PACRG: variants seen among roughly 807,000 people sequenced by gnomAD.
PACRG encodes parkin coregulated gene protein.
A neutral mutation model predicts 29.7 loss-of-function variants in PACRG; 29 were observed. That is an observed-to-expected ratio of 0.98 (90% CI 0.73 to 1.33). The LOEUF (loss-of-function observed/expected upper bound fraction) is 1.33, where lower values mean the gene tolerates loss of function less well. PACRG is among the 40% of genes most tolerant of loss of function. PACRG has a pLI of 0.00. For missense variants in PACRG, 279 were observed against 316.2 expected (o/e 0.88, Z 0.89); for synonymous variants, 116 against 118.7 (o/e 0.98, Z 0.15).
At chr6:163,135,296 C>A (rs927873572) in intron 4 of PACRG, among the ~76,000 whole-genome samples, 1 of 151,878 alleles carries the variant, frequency 6.6e-6, no homozygotes, top group Non-Finnish European at 1.5e-5. Flanking sequence ...TCAAGCGATT[C>A]TCCTGCCTCA....
At chr6:162,953,648 A>G (rs1006151819) in intron 2 of PACRG, among the ~76,000 whole-genome samples, 2 of 152,166 alleles carry the variant, frequency 1.3e-5, no homozygotes, top group Non-Finnish European at 2.9e-5. Flanking sequence ...CTGCCATAGT[A>G]CTTGACTGAC....
chr6:162,908,530 C>A (rs1187395205), intron 2 of PACRG, among the ~76,000 whole-genome samples: 2 of 152,218 alleles, frequency 1.3e-5, no homozygotes, highest in East Asian at 1.9e-4. Flanking sequence ...CATGATATGG[C>A]CCTGCAGCTG....
At chr6:163,066,809 G>A (rs1283810219) in intron 3 of PACRG, among the ~76,000 whole-genome samples, 2 of 152,092 alleles carry the variant, frequency 1.3e-5, no homozygotes, top group Admixed American at 6.6e-5. Flanking sequence ...TATGTTCAAA[G>A]ATATATTGGA....
Position 163,314,825 on chromosome 6 carries a change from A to T in PACRG, c.614-2A>T. 1 of 1,613,752 alleles carries T rather than the reference A, an allele frequency of 6.2e-7. No individual in the cohort carries two copies. Among genetic ancestry groups the T allele is most frequent in the Non-Finnish European group, 8.5e-7 (1 of 1,179,926 alleles). ...GCCTCTTTGTGTGTTTGCATGCACC[A>T]GTGAACTCCGGAGACGGCATTGACT... On this transcript the variant is annotated splice_acceptor_variant, in intron 4 of 4. Coordinates refer to ENST00000366888, the MANE Select transcript of PACRG (RefSeq NM_001080379.2). LOFTEE classifies it high-confidence loss of function.
rs150923234 is a variant in PACRG, at chr6:162,865,067, C to T, written c.291+50786C>T. Among the ~76,000 whole-genome samples the T allele has an allele frequency of 3.1e-3, 464 of 152,130 alleles. 2 individuals are homozygous for T. Among genetic ancestry groups the T allele is most frequent in the African/African-American group, 0.01 (420 of 41,510 alleles). On this transcript the variant is annotated intron_variant, in intron 2 of 4. Coordinates refer to ENST00000366888, the MANE Select transcript of PACRG (RefSeq NM_001080379.2). Reference sequence around the variant, plus strand: ...CTTTCACCAATTACTAAATGTTAACCGAACATTTGTGAACATGTGTAATAT... The same window carrying T: ...CTTTCACCAATTACTAAATGTTAACTGAACATTTGTGAACATGTGTAATAT...
intron 1 of PACRG, among the ~76,000 whole-genome samples, chr6:162,807,342 G>A (rs761948863): frequency 2.6e-5 from 4 of 152,166 alleles, no homozygotes; most frequent in Non-Finnish European, 5.9e-5. Flanking sequence ...TGGTACAAGA[G>A]GTCTTCCAGC....
intron 2 of PACRG, among the ~76,000 whole-genome samples, chr6:162,976,487 T>C (rs893494651): frequency 1.1e-4 from 17 of 152,130 alleles, no homozygotes; most frequent in Non-Finnish European, 2.2e-4. Context: ...CAGGTTCTTA[T>C]AATGAATGAG....
In PACRG at chr6:162,947,595, C is replaced by CATATATATAT. The variant is rs59243050; in HGVS notation, c.292-114551_292-114542dup. ...ACTCATATATAATCATATATATAAT[C>CATATATATAT]ATATATATATATAATCATATATATA... On this transcript the variant is annotated intron_variant, in intron 2 of 4. Transcript: ENST00000366888. 1.7e-3 allele frequency among the ~76,000 whole-genome samples: 48 copies of CATATATATAT among 27,998 alleles called. No individual in the cohort carries two copies. In the South Asian group the frequency reaches 0.022, roughly 13 times the overall value. The allele number at this position is 27,998 out of a possible 152,430, so 18.4% of individuals were successfully genotyped here.
chr6:163,252,881 A>G (rs1032031448), intron 4 of PACRG, among the ~76,000 whole-genome samples: 2 of 152,204 alleles, frequency 1.3e-5, no homozygotes, highest in Non-Finnish European at 2.9e-5. Context: ...TTGAAACTAA[A>G]AGTAAGCAAA....
At chr6:163,207,089 GT>G (rs1780934876) in intron 4 of PACRG, among the ~76,000 whole-genome samples, 1 of 152,072 alleles carries the variant, frequency 6.6e-6, no homozygotes. Flanking sequence ...TTGACATTCT[GT>G]TTTTTAAATA....
At chr6:163,093,071 A>G (rs190582990) in intron 4 of PACRG, among the ~76,000 whole-genome samples, 159 of 152,374 alleles carry the variant, frequency 1.0e-3, no homozygotes, top group Non-Finnish European at 1.8e-3. Flanking sequence ...TGAAAGACTC[A>G]GATTCATTCA....
intron 3 of PACRG, among the ~76,000 whole-genome samples, chr6:163,086,885 T>A (rs1296453963): frequency 1.3e-5 from 2 of 152,148 alleles, no homozygotes; most frequent in Non-Finnish European, 2.9e-5. Flanking sequence ...AGAAAATTTT[T>A]AAAAATAAAG....
At position 162,814,406 on chromosome 6, in the gene PACRG, G is replaced by A. The variant is rs2128362762; in HGVS notation, c.291+125G>A. On this transcript the variant is annotated intron_variant, in intron 2 of 4. Coordinates refer to ENST00000366888, the MANE Select transcript of PACRG (RefSeq NM_001080379.2). ...TTTCTCAGCACATGGAAGATGGTGG[G>A]AAAGCTCTTAGAGAAAGCCCCCCTG... The A allele has an allele frequency of 1.6e-5, 21 of 1,279,540 alleles. No individual in the cohort carries two copies. The South Asian group carries it at 3.1e-4, about 19-fold the overall frequency. The allele number at this position is 1,279,540 out of a possible 1,614,324, so 79.3% of individuals were successfully genotyped here.
At chr6:163,203,436 A>AAAC (rs1408120974) in intron 4 of PACRG, among the ~76,000 whole-genome samples, 1 of 152,136 alleles carries the variant, frequency 6.6e-6, no homozygotes, top group African/African-American at 2.4e-5. Flanking sequence ...AAACAAAAAA[A>AAAC]CCCACCAAAC....
chr6:163,202,634 G>A (rs1306153966), intron 4 of PACRG, among the ~76,000 whole-genome samples: 2 of 152,140 alleles, frequency 1.3e-5, no homozygotes, highest in East Asian at 3.8e-4. Context: ...TTTTCATATT[G>A]AAATGAGAAC....
chr6:163,100,728 C>T (rs558649018), intron 4 of PACRG: 1 of 919,234 alleles, frequency 1.1e-6, no homozygotes, highest in Non-Finnish European at 1.3e-6. Context: ...CATTTTATTG[C>T]CTTTCTTAAA....
intron 4 of PACRG, among the ~76,000 whole-genome samples, chr6:163,131,720 G>A (rs759955157): frequency 1.8e-4 from 28 of 152,090 alleles, no homozygotes; most frequent in Non-Finnish European, 3.4e-4. Context: ...CCTCACCACC[G>A]AAGAGTGTTG....
chr6:163,051,844 T>C (rs1479874508), intron 2 of PACRG: 1 of 152,194 alleles, frequency 6.6e-6, no homozygotes. Flanking sequence ...CAGCTTTGCA[T>C]TGGGCATATT....
At chr6:163,079,573 G>C (rs2128289264) in intron 3 of PACRG, among the ~76,000 whole-genome samples, 1 of 152,192 alleles carries the variant, frequency 6.6e-6, no homozygotes, top group Admixed American at 6.5e-5. Context: ...AGCTTGGCTG[G>C]CCTTATTCCA....
Sources: allele counts gnomAD v4.1 joint callset (sites outside exome capture counted in the v4.1 genomes callset), GRCh38; gene constraint gnomAD v4.1.1; transcripts MANE v1.5; gene names NCBI Gene and HGNC (gene_info 2026-07-23, HGNC 2026-07-21).